The following NUP210L variants were observed in gnomAD, a reference collection of about 807,000 sequenced individuals.
The protein encoded by NUP210L is nuclear pore membrane glycoprotein 210-like.
NUP210L carries 74 observed loss-of-function variants against 208.5 expected under a neutral mutation model. The ratio of observed to expected loss-of-function variants is 0.35; its 90% CI spans 0.29 to 0.43. The LOEUF (loss-of-function observed/expected upper bound fraction) is 0.43, where lower values mean the gene tolerates loss of function less well. Among genes scored for constraint, NUP210L ranks in the 20% least tolerant of loss-of-function variants. NUP210L has a pLI of 1.00. For synonymous variants in NUP210L, 780 were observed against 816.9 expected (o/e 0.95, Z 0.77); for missense variants, 1,843 against 2,289.4 (o/e 0.81, Z 3.98).
intron 35 of NUP210L, 103 bp from the exon 36 acceptor site, chr1:154,002,088 A>C: frequency 8.3e-7 from 1 of 1,206,110 alleles, no homozygotes; most frequent in Non-Finnish European, 1.2e-6. Flanking sequence ...AATTCAGCAA[A>C]AGAGAAAATG....
At chr1:154,105,591 C>T (rs1412275637) in intron 12 of NUP210L, among the ~76,000 whole-genome samples, 2 of 152,298 alleles carry the variant, frequency 1.3e-5, no homozygotes, top group East Asian at 3.9e-4. Flanking sequence ...TCAGGTGTGA[C>T]TCAGTACATT....
intron 6 of NUP210L, among the ~76,000 whole-genome samples, chr1:154,136,377 G>A (rs1208235749): frequency 6.6e-6 from 1 of 151,986 alleles, no homozygotes; most frequent in East Asian, 1.9e-4. Context: ...GCTTGAACCT[G>A]GGAGGTGGAG....
chr1:154,089,289 A>C, intron 16 of NUP210L, 132 bp downstream of exon 16: 1 of 767,756 alleles, frequency 1.3e-6, no homozygotes, highest in South Asian at 1.9e-5. Context: ...TTCCTCAAAA[A>C]ATTAAAAATA....
chr1:153,993,616 AT>A (rs991677538), intron 38 of NUP210L, among the ~76,000 whole-genome samples: 179 of 141,084 alleles, frequency 1.3e-3, no homozygotes, highest in Middle Eastern at 4.3e-3. Flanking sequence ...TGTTGTGTTA[AT>A]TTTTTTTTTT....
chr1:154,121,875 A>C (rs1309253913), intron 10 of NUP210L, among the ~76,000 whole-genome samples: 2 of 152,022 alleles, frequency 1.3e-5, no homozygotes, highest in South Asian at 2.1e-4. Context: ...AAAAAAAAAA[A>C]GAAAAAGAAA....
chr1:154,138,268 A>AG (rs780418112), intron 5 of NUP210L, 30 bp from the exon 6 acceptor site: 22 of 1,420,446 alleles, frequency 1.5e-5, no homozygotes, highest in Non-Finnish European at 2.0e-5. Flanking sequence ...AAAAAAAAAA[A>AG]CAGTTTCCAT....
chr1:154,089,384 A>C, intron 16 of NUP210L, 37 bp downstream of exon 16: 1 of 1,576,114 alleles, frequency 6.3e-7, no homozygotes, highest in Non-Finnish European at 8.7e-7. Flanking sequence ...CGGAATATAA[A>C]AGTGCCAACT....
chr1:154,047,021 G>A (rs1557938477), intron 25 of NUP210L, among the ~76,000 whole-genome samples: 1 of 152,106 alleles, frequency 6.6e-6, no homozygotes, highest in South Asian at 2.1e-4. Context: ...TCATGCCATC[G>A]CACTCCAGCC....
At chr1:154,097,585 A>T (rs1415359339) in intron 14 of NUP210L, among the ~76,000 whole-genome samples, 1 of 152,210 alleles carries the variant, frequency 6.6e-6, no homozygotes, top group East Asian at 1.9e-4. Context: ...CTTGAACCAT[A>T]TATTTAATAT....
intron 12 of NUP210L, among the ~76,000 whole-genome samples, chr1:154,112,563 A>T (rs1040808525): frequency 6.6e-6 from 1 of 152,166 alleles, no homozygotes; most frequent in African/African-American, 2.4e-5. Context: ...TGTATCCCAT[A>T]AATATATACA....
intron 33 of NUP210L, among the ~76,000 whole-genome samples, 173 bp from the exon 34 acceptor site, chr1:154,012,543 A>G (rs950881073): frequency 1.3e-5 from 2 of 148,974 alleles, no homozygotes; most frequent in Non-Finnish European, 3.0e-5. Flanking sequence ...TGAAGACAAA[A>G]TAACTTTTTT....
chr1:154,145,979 C>T (rs761654446), intron 2 of NUP210L, among the ~76,000 whole-genome samples: 14 of 152,056 alleles, frequency 9.2e-5, no homozygotes, highest in Non-Finnish European at 1.8e-4. Flanking sequence ...TAGTCTAGAA[C>T]ACCTGGCCTC....
intron 9 of NUP210L, among the ~76,000 whole-genome samples, chr1:154,126,836 C>A (rs536563886): frequency 6.6e-6 from 1 of 152,100 alleles, no homozygotes; most frequent in East Asian, 1.9e-4. Context: ...ACTCTGGTAA[C>A]CATCTAGGAT....
At chr1:154,072,225 C>G (rs574817273) in intron 16 of NUP210L, among the ~76,000 whole-genome samples, 2 of 151,694 alleles carry the variant, frequency 1.3e-5, no homozygotes, top group East Asian at 3.9e-4. Flanking sequence ...AGTGGCTGTA[C>G]TAGTTTACAT....
At chr1:154,112,365 C>T (rs1365368179) in intron 12 of NUP210L, among the ~76,000 whole-genome samples, 11 of 151,792 alleles carry the variant, frequency 7.2e-5, no homozygotes, top group Admixed American at 6.6e-4. Context: ...ATGTTCCTGC[C>T]ACTGCATTCA....
intron 7 of NUP210L, among the ~76,000 whole-genome samples, chr1:154,132,114 T>C (rs1038586473): frequency 6.6e-6 from 1 of 152,198 alleles, no homozygotes; most frequent in African/African-American, 2.4e-5. Flanking sequence ...TCCTTGGTTT[T>C]TCTATAATAC....
chr1:154,036,727 A>G (rs1652578463), intron 27 of NUP210L, among the ~76,000 whole-genome samples: 1 of 151,822 alleles, frequency 6.6e-6, no homozygotes, highest in South Asian at 2.1e-4. Flanking sequence ...GTGCAGGGGC[A>G]CCATTATAGC....
intron 16 of NUP210L, among the ~76,000 whole-genome samples, chr1:154,072,056 T>C (rs1557956512): frequency 6.6e-6 from 1 of 152,020 alleles, no homozygotes; most frequent in Admixed American, 6.6e-5. Context: ...TGGTTCCACA[T>C]TTTTGCAATT....
intron 10 of NUP210L, among the ~76,000 whole-genome samples, chr1:154,123,778 T>G (rs1325862189): frequency 1.3e-5 from 2 of 151,838 alleles, no homozygotes; most frequent in East Asian, 3.9e-4. Context: ...CTCGGGAGGC[T>G]GAGGCAGGAG....
Sources: gnomAD v4.1 joint callset for allele counts (sites outside exome capture counted in the v4.1 genomes callset) on GRCh38, gnomAD v4.1.1 for gene constraint, MANE v1.5 for transcripts, NCBI Gene and HGNC (gene_info 2026-07-23, HGNC 2026-07-21) for gene names.